ZC3H4: variants seen among roughly 807,000 people sequenced by gnomAD.
The protein encoded by ZC3H4 is zinc finger CCCH-type containing 4, also known as zinc finger CCCH domain-containing protein 4.
ZC3H4 carries 13 observed loss-of-function variants against 108.3 expected under a neutral mutation model. The ratio of observed to expected loss-of-function variants is 0.12; its 90% CI spans 0.08 to 0.19. The LOEUF is 0.19. Ranked by LOEUF, ZC3H4 falls within the 10% of genes least tolerant of loss-of-function variation. The pLI is 1.00. For missense variants in ZC3H4, 1,734 were observed against 1,838.8 expected, an observed-to-expected ratio of 0.94 and a Z score of 1.04; for synonymous variants, 917 against 749.6, an observed-to-expected ratio of 1.22 and a Z score of -3.65.
chr19:47,085,736 C>G (rs1219884498), intron 6 of ZC3H4, among the ~76,000 whole-genome samples: 1 of 152,192 alleles, frequency 6.6e-6, no homozygotes, highest in Non-Finnish European at 1.5e-5. Flanking sequence ...TGCAGTGCAC[C>G]TGCCGCTCCT....
At position 47,067,385 on chromosome 19, in the gene ZC3H4, G is replaced by A. The variant is rs200657942; in HGVS notation, c.2883C>T (p.His961=). 6.2e-7 allele frequency: 1 copy of A among 1,609,360 alleles called. No homozygotes were observed. The highest frequency in any genetic ancestry group is 1.7e-5 in the Admixed American group (1 of 59,412). The change falls in exon 15 of 15, where the codon CAC becomes CAT. Residue 961 remains histidine (H), a synonymous_variant. Coordinates refer to ENST00000253048, the MANE Select transcript of ZC3H4 (RefSeq NM_015168.2). This position sits in a 1 kb window ranked among gnomAD's most constrained non-coding sequence, Gnocchi z 6.4. Reference sequence around the variant, plus strand: ...TGCTCAGGGTCACGTCCTTCTTGATGTGGCTGAACTGCTGCAGCTGTGACC... The same window carrying A: ...TGCTCAGGGTCACGTCCTTCTTGATATGGCTGAACTGCTGCAGCTGTGACC... ...DPRSQLQQFS[H]IKKDVTLSKP...
At position 47,067,743 on chromosome 19, in the gene ZC3H4, C is replaced by T. The variant is rs1320080327; in HGVS notation, c.2525G>A (p.Ser842Asn). The change falls in exon 15 of 15, where the codon AGT becomes AAT. Residue 842 changes from serine to asparagine, a missense_variant. Ser to Asn is a conservative substitution (Grantham distance 46). This residue lies in a region of ZC3H4 where 540 missense variants were observed against 484.1 expected (regional missense o/e 1.12). Coordinates refer to ENST00000253048, the MANE Select transcript of ZC3H4 (RefSeq NM_015168.2). The surrounding 1 kb of genome is among the most constrained non-coding windows in gnomAD (Gnocchi z 6.4). ...CTGGAGGCGGGGGTCCCCCAGCCCA[C>T]TGCTGCTCAGCTCCCCAACTGAAGC... is the stretch of plus-strand genomic sequence containing the variant. ...PPASVGELSS[S>N]GLGDPRLQKG... 6.2e-7 allele frequency: 1 copy of T among 1,608,636 alleles called. No individual in the cohort carries two copies. The highest frequency in any genetic ancestry group is 8.5e-7 in the Non-Finnish European group (1 of 1,178,680).
chr19:47,075,072 G>A (rs1157636834), intron 11 of ZC3H4, among the ~76,000 whole-genome samples: 1 of 152,164 alleles, frequency 6.6e-6, no homozygotes, highest in Admixed American at 6.5e-5. Flanking sequence ...TGGGGGTTGT[G>A]CATTCGCAGT....
intron 2 of ZC3H4, among the ~76,000 whole-genome samples, chr19:47,102,321 T>C (rs550066446): frequency 5.9e-5 from 9 of 152,346 alleles, no homozygotes; most frequent in African/African-American, 2.2e-4. Flanking sequence ...CTACAAATTA[T>C]GTCAAAAAGA....
intron 13 of ZC3H4, 25 bp downstream of exon 13, chr19:47,071,753 C>T: frequency 1.9e-6 from 3 of 1,567,218 alleles, no homozygotes; most frequent in East Asian, 2.2e-5. Context: ...CAGCCCCAGG[C>T]AGCCACACCT....
In ZC3H4 at chr19:47,066,803, G is replaced by T. The variant is rs375922525; in HGVS notation, c.3465C>A (p.Asn1155Lys). Residue 1155 changes from asparagine (N) to lysine (K), a missense_variant, in exon 15 of 15, where the codon AAC becomes AAA. Physicochemically the swap from Asn to Lys is moderately conservative, Grantham distance 94. Transcript: ENST00000253048. ...GISLYDPRTP[N>K]AGGKATEPAA... ...CCGGCTCTGTGGCTTTGCCCCCCGC[G>T]TTGGGAGTCCTCGGGTCGTAGAGGC... The T allele has an allele frequency of 1.2e-6, 2 of 1,600,686 alleles. No homozygotes were observed. The highest frequency in any genetic ancestry group is 1.1e-5 in the South Asian group (1 of 90,464).
intron 11 of ZC3H4, among the ~76,000 whole-genome samples, chr19:47,075,040 G>C (rs1298036866): frequency 6.6e-6 from 1 of 152,172 alleles, no homozygotes; most frequent in African/African-American, 2.4e-5. Flanking sequence ...ACAGCAAGGC[G>C]GACAGAAACA....
At chr19:47,068,298 G>A (rs1159180768) in intron 14 of ZC3H4, among the ~76,000 whole-genome samples, 1 of 152,220 alleles carries the variant, frequency 6.6e-6, no homozygotes, top group Non-Finnish European at 1.5e-5. Flanking sequence ...ACTGTGGCAA[G>A]TCCAGCTGTG....
At chr19:47,092,084 G>A (rs1173071407) in intron 4 of ZC3H4, among the ~76,000 whole-genome samples, 1 of 151,070 alleles carries the variant, frequency 6.6e-6, no homozygotes, top group Non-Finnish European at 1.5e-5. Flanking sequence ...ATGGCCCATG[G>A]TTCCAGCTAC....
At chr19:47,092,816 C>T (rs1002541346) in intron 4 of ZC3H4, among the ~76,000 whole-genome samples, 1 of 146,940 alleles carries the variant, frequency 6.8e-6, no homozygotes, top group East Asian at 2.0e-4. Flanking sequence ...GACTCCGTCT[C>T]AATAAATAAA....
At chr19:47,104,645 C>A (rs1186560010) in intron 2 of ZC3H4, among the ~76,000 whole-genome samples, 5 of 152,202 alleles carry the variant, frequency 3.3e-5, no homozygotes, top group Non-Finnish European at 7.3e-5. Context: ...TCCAAATAAG[C>A]TTGAAAGTGA....
chr19:47,105,684 G>A (rs563746417), intron 2 of ZC3H4, among the ~76,000 whole-genome samples: 4 of 152,204 alleles, frequency 2.6e-5, no homozygotes, highest in South Asian at 4.2e-4. Context: ...ATAGTTTGCC[G>A]ACCCCTAGCC....
At chr19:47,077,087 G>A (rs1217619586) in intron 11 of ZC3H4, among the ~76,000 whole-genome samples, 2 of 152,148 alleles carry the variant, frequency 1.3e-5, no homozygotes, top group African/African-American at 4.8e-5. Context: ...TTGAACCTGG[G>A]AGGCGGAGGT....
At chr19:47,087,608 G>A (rs1169856747) in intron 5 of ZC3H4, among the ~76,000 whole-genome samples, 2 of 152,188 alleles carry the variant, frequency 1.3e-5, no homozygotes, top group Non-Finnish European at 2.9e-5. Flanking sequence ...GCCAGGCGCA[G>A]TGGTTCACAC....
rs1156967422 is a variant in ZC3H4, at chr19:47,065,586, G to C, written c.*770C>G. 6.5e-6 allele frequency: 1 copy of C among 152,748 alleles called. No homozygotes were observed. The highest frequency in any genetic ancestry group is 1.5e-5 in the Non-Finnish European group (1 of 68,174). 9.5% of individuals were successfully genotyped at this position (152,748 alleles called of 1,614,324 possible). A position where few individuals can be genotyped will look rare whatever the true frequency, so the allele number is the denominator to read the frequency against. On this transcript the variant is annotated 3_prime_UTR_variant, in exon 15 of 15. Transcript: ENST00000253048. ...GTGCTCCTAGGGGCTGCCTCCTAGA[G>C]GTGGCTCTTCAGGACTCTGCCCCAC...
intron 5 of ZC3H4, 88 bp from the exon 6 acceptor site, chr19:47,086,626 A>T: frequency 6.8e-7 from 1 of 1,468,772 alleles, no homozygotes; most frequent in South Asian, 1.4e-5. Flanking sequence ...TCCTGAGGTC[A>T]ATCACTTCAG....
intron 2 of ZC3H4, among the ~76,000 whole-genome samples, chr19:47,100,306 C>T (rs1171406358): frequency 6.6e-6 from 1 of 152,182 alleles, no homozygotes; most frequent in East Asian, 1.9e-4. Flanking sequence ...CTTGCACATG[C>T]TTTTCAGTGT....
At chr19:47,088,251 G>A (rs1236405895) in intron 5 of ZC3H4, among the ~76,000 whole-genome samples, 1 of 147,990 alleles carries the variant, frequency 6.8e-6, no homozygotes, top group Non-Finnish European at 1.5e-5. Flanking sequence ...TAAGGCACAA[G>A]AATTGCTTGA....
chr19:47,095,943 C>T (rs533731829), intron 2 of ZC3H4, among the ~76,000 whole-genome samples: 3 of 152,240 alleles, frequency 2.0e-5, no homozygotes, highest in South Asian at 2.1e-4. Flanking sequence ...GCTATCTCTG[C>T]GGAAAGGCCC....
Sources: gnomAD v4.1 joint callset for allele counts (sites outside exome capture counted in the v4.1 genomes callset) on GRCh38, gnomAD v4.1.1 for gene constraint, gnomAD v4.1.1 regional missense constraint, Gnocchi (gnomAD v3.1) non-coding constraint, MANE v1.5 for transcripts, NCBI Gene and HGNC (gene_info 2026-07-23, HGNC 2026-07-21) for gene names.